TNS3: variants seen among roughly 807,000 people sequenced by gnomAD.
TNS3 encodes the protein tensin-3.
A neutral mutation model predicts 140.9 loss-of-function variants in TNS3; 45 were observed. That is an observed-to-expected ratio of 0.32 (90% CI 0.25 to 0.41). The LOEUF (loss-of-function observed/expected upper bound fraction) is 0.41, where lower values mean the gene tolerates loss of function less well. Among genes scored for constraint, TNS3 ranks in the 10% least tolerant of loss-of-function variants. The pLI is 1.00. For missense variants in TNS3, 1,716 were observed against 1,906.7 expected, an observed-to-expected ratio of 0.90 and a Z score of 1.86; for synonymous variants, 815 against 788.4, an observed-to-expected ratio of 1.03 and a Z score of -0.56.
In TNS3 at chr7:47,293,748, T is replaced by A. The variant is rs2150626794; in HGVS notation, c.3757A>T (p.Asn1253Tyr). 6.2e-7 allele frequency: 1 copy of A among 1,614,160 alleles called. No homozygotes were observed. Among genetic ancestry groups the A allele is most frequent in the Admixed American group, 1.7e-5 (1 of 60,028 alleles). Reference sequence around the variant, plus strand: ...AGCAACTCACCGAAATATGGTTCATTCGAGCACCCTTTCAACCGCACTCCC... The same window carrying A: ...AGCAACTCACCGAAATATGGTTCATACGAGCACCCTTTCAACCGCACTCCC... Reference protein sequence around the residue: ...PKGVRLKGCSNEPYFGSLTAL... With the variant: ...PKGVRLKGCSYEPYFGSLTAL... Residue 1253 changes from asparagine to tyrosine, a missense_variant, in exon 25 of 31, where the codon AAT (asparagine) becomes TAT (tyrosine). By Grantham distance (143) the Asn-to-Tyr change is moderately radical (BLOSUM62 -2). This residue lies in a region of TNS3 where 216 missense variants were observed against 295.7 expected (regional missense o/e 0.73). Coordinates refer to ENST00000311160, the MANE Select transcript of TNS3 (RefSeq NM_022748.12).
intron 3 of TNS3, among the ~76,000 whole-genome samples, chr7:47,500,391 G>A (rs868149398): frequency 1.4e-4 from 21 of 152,242 alleles, no homozygotes; most frequent in South Asian, 2.1e-4. Context: ...TGCTGGCCGC[G>A]TGAGCTGGGG....
intron 1 of TNS3, among the ~76,000 whole-genome samples, chr7:47,555,235 T>C (rs1170329185): frequency 6.6e-6 from 1 of 151,220 alleles, no homozygotes; most frequent in Admixed American, 6.6e-5. Flanking sequence ...ACCCTGTCTC[T>C]ACTAAAAATA....
At chr7:47,284,038 A>T (rs1785284002) in intron 27 of TNS3, among the ~76,000 whole-genome samples, 173 bp from the exon 28 acceptor site, 1 of 152,330 alleles carries the variant, frequency 6.6e-6, no homozygotes, top group East Asian at 1.9e-4. Flanking sequence ...TGAAAACATG[A>T]ACAGTGAGTG....
chr7:47,468,285 A>AC (rs1796806415), intron 4 of TNS3, among the ~76,000 whole-genome samples: 1 of 152,174 alleles, frequency 6.6e-6, no homozygotes, highest in Non-Finnish European at 1.5e-5. Context: ...TAGTAAAAAT[A>AC]CAAAAATCAT....
In TNS3 at chr7:47,284,766, G is replaced by A. The variant is rs960601936; in HGVS notation, c.3929-901C>T. Among the ~76,000 whole-genome samples, 21 of 152,312 alleles carry A rather than the reference G, an allele frequency of 1.4e-4. 2 individuals carry two copies. The South Asian group carries it at 2.5e-3, about 18-fold the overall frequency. ...GTGAGCATGTGGGTGTCTTAATTCC[G>A]TGGTTAAAGGCCTCTAAAGTTTCAC... On this transcript the variant is annotated intron_variant, in intron 27 of 30. Transcript: ENST00000311160.
At chr7:47,540,008 G>A (rs1332206747) in intron 1 of TNS3, among the ~76,000 whole-genome samples, 4 of 152,118 alleles carry the variant, frequency 2.6e-5, no homozygotes, top group African/African-American at 9.7e-5. Flanking sequence ...CAAAACTTGG[G>A]TGGCAGACTG....
intron 2 of TNS3, among the ~76,000 whole-genome samples, chr7:47,520,824 T>C (rs1798946437): frequency 6.6e-6 from 1 of 152,114 alleles, no homozygotes; most frequent in Non-Finnish European, 1.5e-5. Flanking sequence ...CTGAGCTCAG[T>C]TCCCCGGTAG....
chr7:47,282,193 TG>T (rs1785181016), intron 28 of TNS3, among the ~76,000 whole-genome samples: 1 of 149,680 alleles, frequency 6.7e-6, no homozygotes, highest in African/African-American at 2.5e-5. Flanking sequence ...GTGTCCACCA[TG>T]TAACTGAGCT....
In TNS3 at chr7:47,368,959, G is replaced by A; in HGVS notation, c.1687C>T (p.Pro563Ser). 2 of 1,613,816 alleles carry A rather than the reference G, an allele frequency of 1.2e-6. No homozygotes were observed. Among genetic ancestry groups the A allele is most frequent in the South Asian group, 2.2e-5 (2 of 91,050 alleles). ...RTFGSREPKQ[P>S]QPLLRKPSVS... ...GAGGGCTTTCTCAGCAGGGGCTGGGGCTGCTTGGGCTCTCGACTCCCAAAA... is the reference window on the plus strand; with the variant it reads ...GAGGGCTTTCTCAGCAGGGGCTGGGACTGCTTGGGCTCTCGACTCCCAAAA... Residue 563 changes from proline to serine, a missense_variant, in exon 17 of 31, where the codon CCC (proline) becomes TCC (serine). By Grantham distance (74) the Pro-to-Ser change is moderately conservative. Coordinates refer to ENST00000311160, the MANE Select transcript of TNS3 (RefSeq NM_022748.12).
chr7:47,281,570 G>T (rs764295422), intron 28 of TNS3, among the ~76,000 whole-genome samples: 32 of 152,204 alleles, frequency 2.1e-4, no homozygotes, highest in Non-Finnish European at 8.8e-5. Flanking sequence ...TCTCAAACAG[G>T]TGCCTTTTAA....
chr7:47,306,198 G>A (rs1310237684), intron 20 of TNS3, among the ~76,000 whole-genome samples: 1 of 152,070 alleles, frequency 6.6e-6, no homozygotes, highest in Non-Finnish European at 1.5e-5. Context: ...AATACCTAGG[G>A]GGTTTTCATT....
intron 1 of TNS3, among the ~76,000 whole-genome samples, chr7:47,567,683 CAAAA>C (rs57071957): frequency 1.2e-5 from 1 of 85,060 alleles, no homozygotes; most frequent in Non-Finnish European, 2.4e-5. Flanking sequence ...GACTCGGTCT[CAAAA>C]AAAAAAAAAA....
In TNS3 at chr7:47,345,186, T is replaced by C. The variant is rs984278337; in HGVS notation, c.2452-148A>G. On this transcript the variant is annotated intron_variant, in intron 18 of 30. Transcript: ENST00000311160. Reference sequence around the variant, plus strand: ...CAAGGAGGCTGAGGTCTGGATCCACTGCACAAAACCAGCCCGCCTCTCCTA... The same window carrying C: ...CAAGGAGGCTGAGGTCTGGATCCACCGCACAAAACCAGCCCGCCTCTCCTA... The C allele has an allele frequency of 5.2e-5, 33 of 634,070 alleles. No individual in the cohort carries two copies. The African/African-American group carries it at 5.2e-4, about 10-fold the overall frequency. The allele number at this position is 634,070 out of a possible 1,614,324, so 39.3% of individuals were successfully genotyped here.
intron 16 of TNS3, among the ~76,000 whole-genome samples, chr7:47,371,369 A>G (rs932339456): frequency 1.3e-5 from 2 of 152,202 alleles, no homozygotes; most frequent in African/African-American, 4.8e-5. Flanking sequence ...TCTATAAGGA[A>G]CTGAGGATCA....
intron 20 of TNS3, among the ~76,000 whole-genome samples, chr7:47,342,865 A>AGTGG (rs1263685585): frequency 6.6e-6 from 1 of 152,186 alleles, no homozygotes; most frequent in Non-Finnish European, 1.5e-5. Flanking sequence ...GACTTTGCAG[A>AGTGG]GTGGGTGGGG....
Position 47,293,755 on chromosome 7 carries a change from C to G in TNS3, c.3750G>C (p.Gly1250=). Residue 1250 remains glycine, a synonymous_variant, in exon 25 of 31, where the codon GGG becomes GGC. Transcript: ENST00000311160. ...ECTPKGVRLK[G]CSNEPYFGSL... Reference sequence around the variant, plus strand: ...CACCGAAATATGGTTCATTCGAGCACCCTTTCAACCGCACTCCCTTCGGGG... The same window carrying G: ...CACCGAAATATGGTTCATTCGAGCAGCCTTTCAACCGCACTCCCTTCGGGG... The G allele has an allele frequency of 6.2e-7, 1 of 1,614,158 alleles. No homozygotes were observed. Among genetic ancestry groups the G allele is most frequent in the South Asian group, 1.1e-5 (1 of 91,080 alleles).
intron 2 of TNS3, among the ~76,000 whole-genome samples, chr7:47,512,441 T>C (rs1476500386): frequency 6.6e-6 from 1 of 152,326 alleles, no homozygotes; most frequent in Admixed American, 6.5e-5. Flanking sequence ...ATGAAAAGAA[T>C]AGTTTACCTA....
intron 3 of TNS3, among the ~76,000 whole-genome samples, chr7:47,486,712 C>T (rs1371077152): frequency 6.6e-6 from 1 of 152,106 alleles, no homozygotes; most frequent in Non-Finnish European, 1.5e-5. Context: ...CGTGCTTGAC[C>T]GACATTGTTT....
chr7:47,430,350 G>A (rs1704966), intron 8 of TNS3, among the ~76,000 whole-genome samples: 58,099 of 151,676 alleles, frequency 0.38, 11,423 homozygotes, highest in Non-Finnish European at 0.42. Flanking sequence ...GGCTGATCTC[G>A]AACTCCCGAT....
Sources: gnomAD v4.1 joint callset for allele counts (sites outside exome capture counted in the v4.1 genomes callset) on GRCh38, gnomAD v4.1.1 for gene constraint, gnomAD v4.1.1 regional missense constraint, MANE v1.5 for transcripts, NCBI Gene and HGNC (gene_info 2026-07-23, HGNC 2026-07-21) for gene names.